Variants in ACP2 observed in about 807,000 individuals in gnomAD.
ACP2 encodes the protein acid phosphatase 2, lysosomal.
Under a neutral mutation model 54.7 loss-of-function variants are expected in ACP2, and 35 were observed. The ratio of observed to expected loss-of-function variants is 0.64; its 90% CI spans 0.49 to 0.85. The LOEUF (loss-of-function observed/expected upper bound fraction) is 0.85. ACP2 is among the 40% of genes least tolerant of loss of function. The probability of loss-of-function intolerance (pLI) is 0.00; values close to 1 mark genes in which losing one functional copy is unlikely to be tolerated. For synonymous variants in ACP2, 210 were observed against 224.4 expected (o/e 0.94, Z 0.57); for missense variants, 492 against 565.0 (o/e 0.87, Z 1.31).
At chr11:47,242,197 A>G (rs1021474085) in intron 10 of ACP2, among the ~76,000 whole-genome samples, 1 of 152,240 alleles carries the variant, frequency 6.6e-6, no homozygotes, top group Non-Finnish European at 1.5e-5. Context: ...CCAGACAAGT[A>G]TGGCTTCAGG....
rs1279125877 is a variant in ACP2, at chr11:47,245,840, G to T, written c.298-6C>A. 6.5e-7 allele frequency: 1 copy of T among 1,542,804 alleles called. No individual in the cohort carries two copies. The highest frequency in any genetic ancestry group is 1.2e-5 in the South Asian group (1 of 81,228). On this transcript the variant is annotated splice_region_variant and splice_polypyrimidine_tract_variant and intron_variant, in intron 3 of 10. Transcript: ENST00000672073. ...TCTGTGCTTCGCACATAAACCTGCAGCGATAGCAACACAAGTCGTGTGTGT... is the reference window on the plus strand; with the variant it reads ...TCTGTGCTTCGCACATAAACCTGCATCGATAGCAACACAAGTCGTGTGTGT...
At position 47,248,785 on chromosome 11, in the gene ACP2, G is replaced by T; in HGVS notation, c.5C>A (p.Ala2Glu). ...CCGGCTCCAGCCGGACCGCTTGCCC[G>T]CCATCACCGTTGTAATCTATGCAGC... M[A>E]GKRSGWSRAA... is the part of the protein sequence containing the mutation. Residue 2 changes from alanine to glutamate, a missense_variant, in exon 1 of 11, where the codon GCG (alanine) becomes GAG (glutamate). Coordinates refer to ENST00000672073, the MANE Select transcript of ACP2 (RefSeq NM_001610.4). 6.3e-7 allele frequency: 1 copy of T among 1,593,172 alleles called. No individual in the cohort carries two copies. The highest frequency in any genetic ancestry group is 8.5e-7 in the Non-Finnish European group (1 of 1,169,592).
At chr11:47,247,281 G>C in intron 3 of ACP2, 1 of 275,944 alleles carries the variant, frequency 3.6e-6, no homozygotes, top group South Asian at 4.9e-5. Flanking sequence ...CATGAAGACA[G>C]AGATCATATC....
Position 47,242,766 on chromosome 11 carries a change from A to C in ACP2, c.1095T>G (p.Asp365Glu), listed in dbSNP as rs112139605. The change falls in exon 10 of 11, where the codon GAT becomes GAG. Residue 365 changes from aspartate to glutamate, a missense_variant. Transcript: ENST00000672073. ...LRLTEPVVPK[D>E]WQQECQLASG... ...TTGCCAGCTGGCACTCCTGCTGCCAATCCTTGGGCACGACGGGCTCTGTGA... is the reference window on the plus strand; with the variant it reads ...TTGCCAGCTGGCACTCCTGCTGCCACTCCTTGGGCACGACGGGCTCTGTGA... 6.8e-6 allele frequency: 11 copies of C among 1,613,914 alleles called. No homozygotes were observed. The African/African-American group carries it at 8.0e-5, about 12-fold the overall frequency.
chr11:47,243,992 T>C (rs7109203), intron 7 of ACP2, among the ~76,000 whole-genome samples: 61,701 of 150,330 alleles, frequency 0.41, 13,996 homozygotes, highest in East Asian at 0.75. Flanking sequence ...TAAAAATTAG[T>C]TGGGCGTGGT....
At position 47,245,385 on chromosome 11, in the gene ACP2, C is replaced by T. The variant is rs1244515372; in HGVS notation, c.559G>A (p.Asp187Asn). The change falls in exon 6 of 11, where the codon GAC becomes AAC. Residue 187 changes from aspartate (D) to asparagine (N), a missense_variant. Transcript: ENST00000672073. ...AGCCCTGTCTCGTTGGCCACCATGT[C>T]CAGAAATTGCTATGAAAAATGGATC... Reference protein sequence around the residue: ...NESSRNAQFLDMVANETGLTD... With the variant: ...NESSRNAQFLNMVANETGLTD... 6.2e-7 allele frequency: 1 copy of T among 1,614,170 alleles called. No homozygotes were observed. Among genetic ancestry groups the T allele is most frequent in the Non-Finnish European group, 8.5e-7 (1 of 1,180,028 alleles).
chr11:47,248,503 C>G (rs1466201497), intron 1 of ACP2, 173 bp downstream of exon 1: 2 of 1,550,970 alleles, frequency 1.3e-6, no homozygotes, highest in Non-Finnish European at 1.7e-6. Flanking sequence ...ATTCGGTCAT[C>G]CTGACTCCCA....
At chr11:47,245,245 G>A (rs1954022732) in intron 6 of ACP2, 60 bp downstream of exon 6, 1 of 1,558,004 alleles carries the variant, frequency 6.4e-7, no homozygotes, top group Non-Finnish European at 8.9e-7. Context: ...TACCGTCCTG[G>A]TGACCTGGGC....
chr11:47,244,676 A>C (rs1479543215), intron 7 of ACP2, 59 bp downstream of exon 7: 1 of 1,386,126 alleles, frequency 7.2e-7, no homozygotes, highest in Non-Finnish European at 9.8e-7. Context: ...CCCCCACAGC[A>C]GATTTTTAAC....
chr11:47,242,692 A>G, intron 10 of ACP2, 31 bp downstream of exon 10: 2 of 1,596,338 alleles, frequency 1.3e-6, no homozygotes, highest in Non-Finnish European at 1.7e-6. Flanking sequence ...GGTCTAGGGC[A>G]TGACTAGCAA....
intron 2 of ACP2, 34 bp downstream of exon 2, chr11:47,248,004 G>A (rs1591029043): frequency 4.5e-6 from 7 of 1,540,034 alleles, no homozygotes; most frequent in Non-Finnish European, 6.2e-6. Flanking sequence ...TCATTCTGCA[G>A]CTCATCCTGA....
At chr11:47,245,238 C>T (rs781505049) in intron 6 of ACP2, 67 bp downstream of exon 6, 14 of 1,529,120 alleles carry the variant, frequency 9.2e-6, no homozygotes, top group African/African-American at 4.1e-5. Flanking sequence ...TGTGTTCTAC[C>T]GTCCTGGTGA....
intron 1 of ACP2, 124 bp downstream of exon 1, chr11:47,248,552 C>T: frequency 6.4e-7 from 1 of 1,551,678 alleles, no homozygotes; most frequent in Non-Finnish European, 8.7e-7. Flanking sequence ...TCCAGCCTCC[C>T]AACTACCCAG....
chr11:47,240,255 C>T lies in ACP2; in HGVS notation c.1139-6G>A. On this transcript the variant is annotated splice_polypyrimidine_tract_variant and splice_region_variant and intron_variant, in intron 10 of 10. Transcript: ENST00000672073. ...AGCCAAGGCCACAATCACCTCTGGGCATGGGGGAGGCAAGAGAAAGGTCAT... is the reference window on the plus strand; with the variant it reads ...AGCCAAGGCCACAATCACCTCTGGGTATGGGGGAGGCAAGAGAAAGGTCAT... 1.4e-6 allele frequency: 2 copies of T among 1,397,352 alleles called. No individual in the cohort carries two copies. The highest frequency in any genetic ancestry group is 1.4e-5 in the African/African-American group (1 of 70,646). The allele number at this position is 1,397,352 out of a possible 1,614,324, so 86.6% of individuals were successfully genotyped here. A position where few individuals can be genotyped will look rare whatever the true frequency, so the allele number is the denominator to read the frequency against.
chr11:47,247,897 A>G, intron 2 of ACP2, 141 bp downstream of exon 2: 1 of 926,028 alleles, frequency 1.1e-6, no homozygotes, highest in Non-Finnish European at 1.6e-6. Context: ...TCATGGGCAC[A>G]GAGATTAAGG....
Position 47,240,264 on chromosome 11 carries a change from G to A in ACP2, c.1139-15C>T, listed in dbSNP as rs780266285. 7.6e-7 allele frequency: 1 copy of A among 1,319,256 alleles called. No homozygotes were observed. The highest frequency in any genetic ancestry group is 1.1e-6 in the Non-Finnish European group (1 of 911,382). The allele number at this position is 1,319,256 out of a possible 1,614,324, so 81.7% of individuals were successfully genotyped here. A position where few individuals can be genotyped will look rare whatever the true frequency, so the allele number is the denominator to read the frequency against. Reference sequence around the variant, plus strand: ...CACAATCACCTCTGGGCATGGGGGAGGCAAGAGAAAGGTCATGTCAGCGTT... The same window carrying A: ...CACAATCACCTCTGGGCATGGGGGAAGCAAGAGAAAGGTCATGTCAGCGTT... On this transcript the variant is annotated splice_polypyrimidine_tract_variant and intron_variant, in intron 10 of 10. Coordinates refer to ENST00000672073, the MANE Select transcript of ACP2 (RefSeq NM_001610.4).
At position 47,243,326 on chromosome 11, in the gene ACP2, A is replaced by G; in HGVS notation, c.773-5T>C. On this transcript the variant is annotated splice_polypyrimidine_tract_variant and splice_region_variant and intron_variant, in intron 7 of 10. Transcript: ENST00000672073. ...TTATCTGAGCCAGCAGGACTCCTGA[A>G]GGAGAAAAGTCCCCGGTGTTGCTGG... The G allele has an allele frequency of 6.2e-7, 1 of 1,613,912 alleles. No individual in the cohort carries two copies. The highest frequency in any genetic ancestry group is 1.7e-5 in the Admixed American group (1 of 60,010).
chr11:47,241,410 G>A (rs181428439), intron 10 of ACP2, among the ~76,000 whole-genome samples: 4 of 152,278 alleles, frequency 2.6e-5, no homozygotes, highest in African/African-American at 7.2e-5. Context: ...CCAGCTACTC[G>A]GGAGGCTGAG....
intron 1 of ACP2, chr11:47,248,365 G>C (rs1331340405): frequency 7.3e-7 from 1 of 1,375,830 alleles, no homozygotes; most frequent in African/African-American, 1.4e-5. Context: ...GGTAGGAAGG[G>C]AAAAGAGAAG....
Sources: gnomAD v4.1 joint callset for allele counts (sites outside exome capture counted in the v4.1 genomes callset) on GRCh38, gnomAD v4.1.1 for gene constraint, MANE v1.5 for transcripts, NCBI Gene and HGNC (gene_info 2026-07-23, HGNC 2026-07-21) for gene names.